Variants in NKD1 observed in about 807,000 individuals in gnomAD.
NKD1 encodes NKD inhibitor of Wnt signaling pathway 1.
Under a neutral mutation model 56.0 loss-of-function variants are expected in NKD1, and 21 were observed. The ratio of observed to expected loss-of-function variants is 0.38; its 90% confidence interval spans 0.27 to 0.54. NKD1 has a LOEUF of 0.54. Ranked by LOEUF, NKD1 falls within the 20% of genes least tolerant of loss-of-function variation. The probability of loss-of-function intolerance (pLI) is 0.82; values close to 1 mark genes in which losing one functional copy is unlikely to be tolerated. For synonymous variants in NKD1, 263 were observed against 265.7 expected (o/e 0.99, Z 0.10); for missense variants, 578 against 642.7 (o/e 0.90, Z 1.09).
At chr16:50,628,783 T>C (rs1005494617) in intron 6 of NKD1, among the ~76,000 whole-genome samples, 1 of 152,208 alleles carries the variant, frequency 6.6e-6, no homozygotes, top group Non-Finnish European at 1.5e-5. Flanking sequence ...AATAAAATAC[T>C]ACAGACTGGG....
chr16:50,604,362 T>C (rs1961659724), intron 3 of NKD1, among the ~76,000 whole-genome samples: 1 of 152,180 alleles, frequency 6.6e-6, no homozygotes. Context: ...CTGGGCAGGA[T>C]GGGGCATGTT....
chr16:50,564,596 G>A (rs762408105), intron 3 of NKD1, among the ~76,000 whole-genome samples: 14 of 152,118 alleles, frequency 9.2e-5, no homozygotes, highest in Non-Finnish European at 1.9e-4. Context: ...TGCACTGATT[G>A]GCACATGGCA....
At chr16:50,577,999 G>A (rs1348222974) in intron 3 of NKD1, among the ~76,000 whole-genome samples, 2 of 152,102 alleles carry the variant, frequency 1.3e-5, no homozygotes, top group Non-Finnish European at 2.9e-5. Context: ...GTTTTAGCTG[G>A]GGCAACTCTG....
chr16:50,635,656 T>A lies in NKD1; in HGVS notation c.*1875T>A, dbSNP rs967402458. ...TACATTAATCCTTAGGACAGCCCCA[T>A]GAGGCAGCTTGGTGGCAGCTCAGGA... On this transcript the variant is annotated 3_prime_UTR_variant, in exon 10 of 10. Coordinates refer to ENST00000268459, the MANE Select transcript of NKD1 (RefSeq NM_033119.5). This position sits in a 1 kb window ranked among gnomAD's most constrained non-coding sequence, Gnocchi z 4.1. 3 of 152,216 alleles carry A rather than the reference T, an allele frequency of 2.0e-5. No individual in the cohort carries two copies. The highest frequency in any genetic ancestry group is 7.2e-5 in the African/African-American group (3 of 41,468). The allele number at this position is 152,216 out of a possible 1,614,324, so 9.4% of individuals were successfully genotyped here. A position where few individuals can be genotyped will look rare whatever the true frequency, so the allele number is the denominator to read the frequency against.
At chr16:50,594,193 A>G (rs1961427080) in intron 3 of NKD1, among the ~76,000 whole-genome samples, 1 of 152,104 alleles carries the variant, frequency 6.6e-6, no homozygotes, top group Non-Finnish European at 1.5e-5. Context: ...GAAAATGTCC[A>G]TTTCCATTTT....
In NKD1 at chr16:50,635,370, G is replaced by A. The variant is rs1962444397; in HGVS notation, c.*1589G>A. 1 of 152,304 alleles carries A rather than the reference G, an allele frequency of 6.6e-6. No individual in the cohort carries two copies. Among genetic ancestry groups the A allele is most frequent in the Non-Finnish European group, 1.5e-5 (1 of 68,114 alleles). The allele number at this position is 152,304 out of a possible 1,614,324, so 9.4% of individuals were successfully genotyped here. On this transcript the variant is annotated 3_prime_UTR_variant, in exon 10 of 10. Transcript: ENST00000268459. The surrounding 1 kb of genome is among the most constrained non-coding windows in gnomAD (Gnocchi z 4.1). ...GCCGCTGGAAGCCACCGGGCCAAGGGAGCTTGTTGATGTGGGTCACACGGG... is the reference window on the plus strand; with the variant it reads ...GCCGCTGGAAGCCACCGGGCCAAGGAAGCTTGTTGATGTGGGTCACACGGG...
chr16:50,550,200 A>G (rs1206265699), intron 3 of NKD1, among the ~76,000 whole-genome samples: 1 of 151,976 alleles, frequency 6.6e-6, no homozygotes, highest in East Asian at 1.9e-4. Flanking sequence ...TGTGATGGGA[A>G]TGAGTGAGTC....
intron 3 of NKD1, chr16:50,557,746 T>C (rs1389353903): frequency 6.6e-6 from 1 of 152,246 alleles, no homozygotes; most frequent in Non-Finnish European, 1.5e-5. Context: ...TAGGCTAATA[T>C]TTTACTTTGG....
chr16:50,601,429 C>A (rs1483699413), intron 3 of NKD1, among the ~76,000 whole-genome samples: 1 of 152,254 alleles, frequency 6.6e-6, no homozygotes, highest in African/African-American at 2.4e-5. Context: ...CGAACAGACA[C>A]TTTTTCGAGT....
chr16:50,551,012 A>G (rs1960372088), intron 3 of NKD1, among the ~76,000 whole-genome samples: 1 of 152,102 alleles, frequency 6.6e-6, no homozygotes, highest in South Asian at 2.1e-4. Flanking sequence ...CTAGAGGGAA[A>G]ACTTGAAATA....
At chr16:50,603,286 G>A (rs1961638319) in intron 3 of NKD1, among the ~76,000 whole-genome samples, 1 of 152,234 alleles carries the variant, frequency 6.6e-6, no homozygotes, top group South Asian at 2.1e-4. Flanking sequence ...GCTGAGGAGT[G>A]GAGCATCCCT....
intron 3 of NKD1, among the ~76,000 whole-genome samples, chr16:50,599,510 A>G (rs1395285610): frequency 6.6e-6 from 1 of 152,202 alleles, no homozygotes; most frequent in Non-Finnish European, 1.5e-5. Flanking sequence ...AGTGGGGGTC[A>G]TCGCAGAGCC....
intron 3 of NKD1, among the ~76,000 whole-genome samples, chr16:50,568,131 T>C (rs1418118053): frequency 6.6e-6 from 1 of 152,214 alleles, no homozygotes; most frequent in Non-Finnish European, 1.5e-5. Context: ...CTGCATTTTT[T>C]TGGAGTTGGG....
At chr16:50,583,823 A>T (rs1289126360) in intron 3 of NKD1, among the ~76,000 whole-genome samples, 1 of 152,200 alleles carries the variant, frequency 6.6e-6, no homozygotes, top group East Asian at 1.9e-4. Context: ...GTGACTCCTG[A>T]TGTGGCTTGA....
In NKD1 at chr16:50,643,794, C is replaced by T. The variant is rs572617909; in HGVS notation, c.*10013C>T. 2.0e-5 allele frequency: 3 copies of T among 152,202 alleles called. No individual in the cohort carries two copies. The highest frequency in any genetic ancestry group is 3.8e-4 in the East Asian group (2 of 5,204). 9.4% of individuals were successfully genotyped at this position (152,202 alleles called of 1,614,324 possible). ...CCTAATTTACTATATATTCTTGATTCGTTAACATTGAACTCAGCCAACAGC... is the reference window on the plus strand; with the variant it reads ...CCTAATTTACTATATATTCTTGATTTGTTAACATTGAACTCAGCCAACAGC... On this transcript the variant is annotated 3_prime_UTR_variant, in exon 10 of 10. Transcript: ENST00000268459.
At chr16:50,611,370 G>GGGCGTGGTCCAGC (rs201075849) in intron 4 of NKD1, among the ~76,000 whole-genome samples, 20,221 of 152,232 alleles carry the variant, frequency 0.13, 3,690 homozygotes, top group African/African-American at 0.41. Flanking sequence ...CTGCTCTGCA[G>GGGCGTGGTCCAGC]CTTCCCTAAA....
chr16:50,576,254 C>T (rs951703228), intron 3 of NKD1, among the ~76,000 whole-genome samples: 1 of 152,182 alleles, frequency 6.6e-6, no homozygotes, highest in African/African-American at 2.4e-5. Flanking sequence ...ATTGCCTTCG[C>T]AAGCCTCAGA....
At chr16:50,548,669 C>A in intron 1 of NKD1, 48 bp from the exon 2 acceptor site, 1 of 1,465,474 alleles carries the variant, frequency 6.8e-7, no homozygotes, top group Non-Finnish European at 9.0e-7. Context: ...TTCCTTCTCC[C>A]GCCGCCGCGG....
intron 3 of NKD1, among the ~76,000 whole-genome samples, chr16:50,582,493 T>TTGCC (rs1961138573): frequency 6.6e-6 from 1 of 152,212 alleles, no homozygotes. Flanking sequence ...GAGAGGAACA[T>TTGCC]TGCCATTCAG....
Sources: allele counts gnomAD v4.1 joint callset (sites outside exome capture counted in the v4.1 genomes callset), GRCh38; gene constraint gnomAD v4.1.1; non-coding constraint Gnocchi (gnomAD v3.1); transcripts MANE v1.5; gene names NCBI Gene and HGNC (gene_info 2026-07-23, HGNC 2026-07-21).